ELMO1: variants seen among roughly 807,000 people sequenced by gnomAD.
ELMO1 encodes engulfment and cell motility 1.
Under a neutral mutation model 98.9 loss-of-function variants are expected in ELMO1, and 26 were observed. That is an observed-to-expected ratio of 0.26 (90% CI 0.19 to 0.36). The LOEUF (loss-of-function observed/expected upper bound fraction) is 0.36. ELMO1 is among the 10% of genes least tolerant of loss of function. The probability of loss-of-function intolerance (pLI) is 1.00; values close to 1 mark genes in which losing one functional copy is unlikely to be tolerated. For missense variants in ELMO1, 627 were observed against 935.2 expected, an observed-to-expected ratio of 0.67 and a Z score of 4.30; for synonymous variants, 346 against 346.0, an observed-to-expected ratio of 1.00 and a Z score of 0.00.
chr7:37,415,337 C>T (rs568149327), intron 1 of ELMO1, among the ~76,000 whole-genome samples: 3 of 152,188 alleles, frequency 2.0e-5, no homozygotes, highest in Non-Finnish European at 4.4e-5. Context: ...AAGTTCTGGG[C>T]TGTATGTGCA....
chr7:36,925,365 C>T (rs1046537973), intron 16 of ELMO1, among the ~76,000 whole-genome samples: 6 of 152,234 alleles, frequency 3.9e-5, no homozygotes, highest in Non-Finnish European at 8.8e-5. Flanking sequence ...CTATACATAG[C>T]TCCCAGCCCC....
intron 4 of ELMO1, among the ~76,000 whole-genome samples, chr7:37,294,430 C>T (rs1168761319): frequency 6.6e-6 from 1 of 151,364 alleles, no homozygotes; most frequent in Non-Finnish European, 1.5e-5. Flanking sequence ...GCTATGCAAA[C>T]AAGCACTGGT....
intron 1 of ELMO1, among the ~76,000 whole-genome samples, chr7:37,440,451 A>G (rs567669449): frequency 1.1e-4 from 16 of 151,388 alleles, no homozygotes; most frequent in Middle Eastern, 3.4e-3. Context: ...CAAAAAAAAA[A>G]AAAAGAAAAG....
intron 13 of ELMO1, among the ~76,000 whole-genome samples, chr7:37,208,025 G>C (rs779259801): frequency 1.3e-5 from 2 of 152,200 alleles, no homozygotes; most frequent in Non-Finnish European, 2.9e-5. Flanking sequence ...CCTCCTCAAA[G>C]GTGTTGTGGT....
chr7:36,979,424 G>T (rs1790858233), intron 16 of ELMO1, among the ~76,000 whole-genome samples: 4 of 152,212 alleles, frequency 2.6e-5, no homozygotes, highest in Admixed American at 6.5e-5. Flanking sequence ...CCAGTTCTCA[G>T]AAAATTTTAG....
intron 2 of ELMO1, among the ~76,000 whole-genome samples, chr7:37,337,845 A>C (rs1299387925): frequency 6.6e-6 from 1 of 152,210 alleles, no homozygotes; most frequent in Non-Finnish European, 1.5e-5. Context: ...GCTGCTGCTC[A>C]GAAATGGTGA....
chr7:37,200,777 G>A (rs1322503867), intron 13 of ELMO1, among the ~76,000 whole-genome samples: 1 of 152,004 alleles, frequency 6.6e-6, no homozygotes, highest in Non-Finnish European at 1.5e-5. Flanking sequence ...ACCAGCCTGG[G>A]CAACATGGTG....
chr7:36,988,748 C>G (rs189632931), intron 16 of ELMO1, among the ~76,000 whole-genome samples: 2 of 152,288 alleles, frequency 1.3e-5, no homozygotes, highest in Admixed American at 1.3e-4. Context: ...CTTTGAAAAT[C>G]TGAAAGAAGC....
intron 16 of ELMO1, among the ~76,000 whole-genome samples, chr7:36,927,502 T>C (rs1785676977): frequency 6.6e-6 from 1 of 152,224 alleles, no homozygotes; most frequent in Non-Finnish European, 1.5e-5. Context: ...AATCCTTGTT[T>C]AAATTAGTGC....
chr7:37,347,097 G>A (rs994014404), intron 1 of ELMO1, among the ~76,000 whole-genome samples: 2 of 152,178 alleles, frequency 1.3e-5, no homozygotes, highest in Non-Finnish European at 2.9e-5. Flanking sequence ...GGCATAGCAA[G>A]GCTCCTCTGG....
chr7:37,036,867 C>T (rs1475697886), intron 15 of ELMO1, among the ~76,000 whole-genome samples: 2 of 152,034 alleles, frequency 1.3e-5, no homozygotes, highest in Non-Finnish European at 2.9e-5. Context: ...ATTTGGCTCC[C>T]AAGGCAAGAA....
At chr7:37,247,619 A>T (rs76951294) in intron 6 of ELMO1, among the ~76,000 whole-genome samples, 10,206 of 152,270 alleles carry the variant, frequency 0.067, 455 homozygotes, top group African/African-American at 0.12. Context: ...TAACAAACCC[A>T]AATTACAGGG....
chr7:37,075,910 A>G (rs953639873), intron 15 of ELMO1, among the ~76,000 whole-genome samples: 14 of 152,236 alleles, frequency 9.2e-5, no homozygotes, highest in Non-Finnish European at 1.3e-4. Context: ...CATTAATGTG[A>G]AAACAGACAA....
In ELMO1 at chr7:36,854,878, A is replaced by G. The variant is rs1420311280; in HGVS notation, c.*673T>C. The G allele has an allele frequency of 6.5e-6, 1 of 153,696 alleles. No homozygotes were observed. Among genetic ancestry groups the G allele is most frequent in the East Asian group, 1.9e-4 (1 of 5,196 alleles). 9.5% of individuals were successfully genotyped at this position (153,696 alleles called of 1,614,324 possible). ...AGCTGGTGAGGAGGGAAGATTTGTC[A>G]CGATCACAGTGCAGACGCAAAGTGG... On this transcript the variant is annotated 3_prime_UTR_variant, in exon 22 of 22. Transcript: ENST00000310758.
At chr7:36,985,709 G>A (rs555033205) in intron 16 of ELMO1, among the ~76,000 whole-genome samples, 2 of 152,320 alleles carry the variant, frequency 1.3e-5, no homozygotes, top group East Asian at 1.9e-4. Context: ...CAATGTCCAA[G>A]TATAATGTAC....
intron 5 of ELMO1, among the ~76,000 whole-genome samples, chr7:37,264,138 T>C (rs1211268120): frequency 6.6e-6 from 1 of 152,188 alleles, no homozygotes; most frequent in Non-Finnish European, 1.5e-5. Flanking sequence ...AAACATATTT[T>C]ATTGTTTATG....
rs1804702487 is a variant in ELMO1 at position 37,426,229 on chromosome 7, C to T, written c.-74+22446G>A. Reference sequence around the variant, plus strand: ...AGTACAGTGGCACAATCTTGGGTCACTGCAACCTCTGCTTCCTGGGCTCAA... The same window carrying T: ...AGTACAGTGGCACAATCTTGGGTCATTGCAACCTCTGCTTCCTGGGCTCAA... On this transcript the variant is annotated intron_variant, in intron 1 of 21. Transcript: ENST00000310758. Among the ~76,000 whole-genome samples the T allele has an allele frequency of 3.6e-5, 5 of 140,166 alleles. No individual in the cohort carries two copies. The South Asian group carries it at 1.2e-3, about 33-fold the overall frequency. The allele number at this position is 140,166 out of a possible 152,430, so 92.0% of individuals were successfully genotyped here. A position where few individuals can be genotyped will look rare whatever the true frequency, so the allele number is the denominator to read the frequency against.
chr7:37,166,323 G>A (rs547278295), intron 13 of ELMO1, among the ~76,000 whole-genome samples: 5 of 151,894 alleles, frequency 3.3e-5, no homozygotes, highest in Non-Finnish European at 5.9e-5. Flanking sequence ...AGCGTTTTTT[G>A]TGTCTCTATT....
intron 21 of ELMO1, among the ~76,000 whole-genome samples, chr7:36,860,301 C>CT (rs767541760): frequency 6.6e-6 from 1 of 152,160 alleles, no homozygotes; most frequent in African/African-American, 2.4e-5. Context: ...CTGTGTTAAC[C>CT]TTTCTATTGT....
Sources: gnomAD v4.1 joint callset for allele counts (sites outside exome capture counted in the v4.1 genomes callset) on GRCh38, gnomAD v4.1.1 for gene constraint, MANE v1.5 for transcripts, NCBI Gene and HGNC (gene_info 2026-07-23, HGNC 2026-07-21) for gene names.